Variants in LCOR observed in about 807,000 individuals in gnomAD.
LCOR encodes the protein ligand dependent nuclear receptor corepressor, also known as ligand-dependent corepressor.
Under a neutral mutation model 64.4 loss-of-function variants are expected in LCOR, and 14 were observed. The observed-to-expected ratio is 0.22, with a 90% CI of 0.14 to 0.34. The LOEUF is 0.34. Among genes scored for constraint, LCOR ranks in the 10% least tolerant of loss-of-function variants. The pLI is 1.00. For synonymous variants in LCOR, 643 were observed against 642.5 expected, an observed-to-expected ratio of 1.00 and a Z score of -0.01; for missense variants, 1,686 against 1,765.3, an observed-to-expected ratio of 0.96 and a Z score of 0.80.
At chr10:96,966,331 C>T (rs1847950877) in intron 7 of LCOR, among the ~76,000 whole-genome samples, 1 of 147,476 alleles carries the variant, frequency 6.8e-6, no homozygotes, top group African/African-American at 2.5e-5. Context: ...CAGGTTCATG[C>T]CATTCTCCTG....
intron 2 of LCOR, among the ~76,000 whole-genome samples, chr10:96,861,665 G>A (rs539206170): frequency 1.7e-4 from 26 of 152,124 alleles, no homozygotes; most frequent in African/African-American, 6.3e-4. Context: ...CCTGCCTCAG[G>A]TGCCTGAGTA....
At chr10:96,952,226 G>A (rs747600190) in intron 7 of LCOR, 30 bp downstream of exon 7, 11 of 1,444,982 alleles carry the variant, frequency 7.6e-6, no homozygotes. Context: ...GCCTTACACA[G>A]TTTCATATAG....
chr10:96,952,661 T>G (rs1013037741), intron 7 of LCOR, among the ~76,000 whole-genome samples: 1 of 152,126 alleles, frequency 6.6e-6, no homozygotes, highest in African/African-American at 2.4e-5. Context: ...AATGTAGTTT[T>G]CTGAAAGACT....
chr10:96,912,951 AT>A (rs1846870479), intron 4 of LCOR, among the ~76,000 whole-genome samples: 1 of 152,166 alleles, frequency 6.6e-6, no homozygotes, highest in Non-Finnish European at 1.5e-5. Context: ...GTGGATTATA[AT>A]TCATTACAGT....
intron 2 of LCOR, among the ~76,000 whole-genome samples, chr10:96,850,700 T>C (rs534511856): frequency 6.6e-6 from 1 of 152,222 alleles, no homozygotes; most frequent in African/African-American, 2.4e-5. Context: ...TCCTCTCACC[T>C]GTCTCCCAAA....
intron 4 of LCOR, chr10:96,915,578 T>A: frequency 1.4e-6 from 1 of 699,932 alleles, no homozygotes; most frequent in South Asian, 1.5e-5. Context: ...AAAAATAGAA[T>A]TTCAAACTAT....
chr10:96,832,891 GGC>G, intron 1 of LCOR: 1 of 719,182 alleles, frequency 1.4e-6, no homozygotes, highest in Non-Finnish European at 1.7e-6. Context: ...CCACGCGCGG[GGC>G]GCGCCCCCGG....
At chr10:96,835,311 A>G (rs997635213) in intron 2 of LCOR, among the ~76,000 whole-genome samples, 22 of 152,214 alleles carry the variant, frequency 1.4e-4, no homozygotes, top group African/African-American at 4.3e-4. Flanking sequence ...CTGGTGATCA[A>G]ATTTCTTAAA....
intron 4 of LCOR, among the ~76,000 whole-genome samples, chr10:96,923,380 A>C (rs958692890): frequency 1.3e-5 from 2 of 152,218 alleles, no homozygotes; most frequent in African/African-American, 4.8e-5. Flanking sequence ...TGGAGAATCC[A>C]AGCACTGAGT....
chr10:96,981,125 C>G lies in LCOR; in HGVS notation c.665C>G (p.Thr222Ser). 2.8e-6 allele frequency: 2 copies of G among 704,210 alleles called. No individual in the cohort carries two copies. The highest frequency in any genetic ancestry group is 5.2e-6 in the Non-Finnish European group (2 of 386,100). The allele number at this position is 704,210 out of a possible 1,614,324, so 43.6% of individuals were successfully genotyped here. A position where few individuals can be genotyped will look rare whatever the true frequency, so the allele number is the denominator to read the frequency against. ...AGCCCTCTACACTTGACGGAACAGACCCCGAAGAAGCCTCCTCCTGAGATA... is the reference window on the plus strand; with the variant it reads ...AGCCCTCTACACTTGACGGAACAGAGCCCGAAGAAGCCTCCTCCTGAGATA... ...SHSPLHLTEQ[T>S]PKKPPPEINP... Residue 222 changes from threonine to serine, a missense_variant, in exon 8 of 8, where the codon ACC becomes AGC. Coordinates refer to ENST00000421806, the MANE Select transcript of LCOR (RefSeq NM_001346516.2).
intron 4 of LCOR, chr10:96,908,160 T>G (rs1046117577): frequency 6.6e-6 from 1 of 151,958 alleles, no homozygotes; most frequent in Non-Finnish European, 1.5e-5. Flanking sequence ...ACCAGCTAAT[T>G]TTTGTATTTG....
intron 2 of LCOR, among the ~76,000 whole-genome samples, chr10:96,890,022 C>T (rs1846411887): frequency 6.6e-6 from 1 of 152,156 alleles, no homozygotes; most frequent in South Asian, 2.1e-4. Flanking sequence ...TGCATTCCCA[C>T]CAGCAATGTG....
chr10:96,933,100 T>C (rs2134492813), intron 4 of LCOR, among the ~76,000 whole-genome samples: 1 of 152,336 alleles, frequency 6.6e-6, no homozygotes, highest in South Asian at 2.1e-4. Flanking sequence ...CTAATATTAA[T>C]TGAGGATAAG....
chr10:96,868,804 GACCGTCATCTGTCTTGTTTAGC>G (rs895203703), intron 2 of LCOR, among the ~76,000 whole-genome samples: 1 of 152,124 alleles, frequency 6.6e-6, no homozygotes, highest in Non-Finnish European at 1.5e-5. Flanking sequence ...TGATGATAGG[GACCGTCATCTGTCTTGTTTAGC>G]ATTGTATCCT....
At chr10:96,879,027 C>T (rs1846216392) in intron 2 of LCOR, among the ~76,000 whole-genome samples, 1 of 152,142 alleles carries the variant, frequency 6.6e-6, no homozygotes, top group Non-Finnish European at 1.5e-5. Context: ...AACTCCTGAG[C>T]TCAAGTGATT....
Position 96,980,834 on chromosome 10 carries a change from A to T in LCOR, c.374A>T (p.Gln125Leu). 1 of 702,980 alleles carries T rather than the reference A, an allele frequency of 1.4e-6. No homozygotes were observed. The highest frequency in any genetic ancestry group is 2.6e-6 in the Non-Finnish European group (1 of 384,966). 43.5% of individuals were successfully genotyped at this position (702,980 alleles called of 1,614,324 possible). A position where few individuals can be genotyped will look rare whatever the true frequency, so the allele number is the denominator to read the frequency against. ...GCAAAAGCAGTAGATTCTAACAATC[A>T]GTCGAAGTCCCCACTGGAGAAATTT... ...TEAKAVDSNN[Q>L]SKSPLEKFMV... The change falls in exon 8 of 8, where the codon CAG becomes CTG. Residue 125 changes from glutamine (Q) to leucine (L), a missense_variant. Physicochemically the swap from Gln to Leu is moderately radical, Grantham distance 113 (BLOSUM62 -2). Coordinates refer to ENST00000421806, the MANE Select transcript of LCOR (RefSeq NM_001346516.2).
rs151183176 is a variant in LCOR at position 96,949,138 on chromosome 10, C to T, written c.81C>T (p.Ser27=). The T allele has an allele frequency of 1.9e-6, 3 of 1,613,972 alleles. No homozygotes were observed. Among genetic ancestry groups the T allele is most frequent in the Non-Finnish European group, 2.5e-6 (3 of 1,180,006 alleles). The change falls in exon 6 of 8, where the codon AGC becomes AGT. Residue 27 remains serine (S), a synonymous_variant. Transcript: ENST00000421806. ...CTCAGGACCCCAGCCAGCCCAATAGCACAAAGAACCAAAGCCTGCCGAAAG... is the reference window on the plus strand; with the variant it reads ...CTCAGGACCCCAGCCAGCCCAATAGTACAAAGAACCAAAGCCTGCCGAAAG... ...SSTQDPSQPN[S]TKNQSLPKAS...
intron 4 of LCOR, among the ~76,000 whole-genome samples, chr10:96,934,057 C>T (rs951078690): frequency 2.0e-5 from 3 of 152,152 alleles, no homozygotes; most frequent in African/African-American, 7.2e-5. Flanking sequence ...TAGCAAATTT[C>T]ACAGCTTTGG....
intron 2 of LCOR, among the ~76,000 whole-genome samples, chr10:96,895,414 G>A (rs1029642911): frequency 3.3e-5 from 5 of 152,056 alleles, no homozygotes; most frequent in African/African-American, 9.7e-5. Context: ...ACCCTCTACC[G>A]CCATTGCTAC....
Sources: allele counts gnomAD v4.1 joint callset (sites outside exome capture counted in the v4.1 genomes callset), GRCh38; gene constraint gnomAD v4.1.1; transcripts MANE v1.5; gene names NCBI Gene and HGNC (gene_info 2026-07-23, HGNC 2026-07-21).